Variants in PTPRO observed in about 807,000 individuals in gnomAD.
The protein encoded by PTPRO is protein tyrosine phosphatase receptor type O.
A neutral mutation model predicts 145.2 loss-of-function variants in PTPRO; 62 were observed. The ratio of observed to expected loss-of-function variants is 0.43; its 90% CI spans 0.35 to 0.53. The LOEUF (loss-of-function observed/expected upper bound fraction) is 0.53. Ranked by LOEUF, PTPRO falls within the 20% of genes least tolerant of loss-of-function variation. The pLI is 0.01. For synonymous variants in PTPRO, 565 were observed against 514.7 expected, an observed-to-expected ratio of 1.10 and a Z score of -1.32; for missense variants, 1,345 against 1,482.7, an observed-to-expected ratio of 0.91 and a Z score of 1.53.
At chr12:15,496,136 TTTTTTG>T in intron 2 of PTPRO, among the ~76,000 whole-genome samples, 1 of 98,484 alleles carries the variant, frequency 1.0e-5, no homozygotes, top group Non-Finnish European at 1.9e-5. Flanking sequence ...TTTCTTTTCT[TTTTTTG>T]TTTTTTTTTT....
At chr12:15,367,214 C>T (rs936262998) in intron 1 of PTPRO, among the ~76,000 whole-genome samples, 3 of 152,078 alleles carry the variant, frequency 2.0e-5, no homozygotes, top group African/African-American at 4.8e-5. Flanking sequence ...TATAGGCAAA[C>T]GTTTCTGAAG....
At chr12:15,367,215 G>T (rs1054699586) in intron 1 of PTPRO, among the ~76,000 whole-genome samples, 1 of 152,102 alleles carries the variant, frequency 6.6e-6, no homozygotes, top group African/African-American at 2.4e-5. Context: ...ATAGGCAAAC[G>T]TTTCTGAAGC....
intron 1 of PTPRO, among the ~76,000 whole-genome samples, chr12:15,419,176 T>C (rs1032219931): frequency 6.6e-6 from 1 of 151,072 alleles, no homozygotes; most frequent in African/African-American, 2.5e-5. Flanking sequence ...CATGCGCTTA[T>C]TGAAATAAGC....
At chr12:15,472,669 C>A (rs144713546) in intron 1 of PTPRO, among the ~76,000 whole-genome samples, 1 of 152,208 alleles carries the variant, frequency 6.6e-6, no homozygotes, top group Non-Finnish European at 1.5e-5. Flanking sequence ...CTGAACAGTT[C>A]TCTTGTATTG....
At chr12:15,388,564 G>C (rs1240430542) in intron 1 of PTPRO, among the ~76,000 whole-genome samples, 2 of 152,056 alleles carry the variant, frequency 1.3e-5, no homozygotes, top group Non-Finnish European at 2.9e-5. Context: ...ACCTTTAATT[G>C]GAAAAAGTTC....
At chr12:15,565,562 A>G (rs372771779) in intron 17 of PTPRO, 31 bp from the exon 18 acceptor site, 4 of 1,379,260 alleles carry the variant, frequency 2.9e-6, no homozygotes, top group African/African-American at 2.9e-5. Flanking sequence ...TTCTGCCCAG[A>G]TAAATTTGTC....
intron 12 of PTPRO, among the ~76,000 whole-genome samples, chr12:15,526,868 G>A (rs539587283): frequency 2.0e-5 from 3 of 152,002 alleles, no homozygotes; most frequent in Admixed American, 6.5e-5. Flanking sequence ...CTTCATATAA[G>A]AAGTATAAAA....
At chr12:15,402,807 C>G (rs1032292291) in intron 1 of PTPRO, among the ~76,000 whole-genome samples, 3 of 151,890 alleles carry the variant, frequency 2.0e-5, no homozygotes, top group African/African-American at 7.3e-5. Flanking sequence ...GGACTCAAAC[C>G]AAGTATCATA....
chr12:15,481,113 C>G (rs1230822633), intron 1 of PTPRO, among the ~76,000 whole-genome samples: 1 of 152,210 alleles, frequency 6.6e-6, no homozygotes, highest in East Asian at 1.9e-4. Flanking sequence ...AATACCTTTT[C>G]TGTTCTTTTT....
In PTPRO at chr12:15,594,882, ATAT is replaced by A. The variant is rs1944626333; in HGVS notation, c.3547-51_3547-49del. 1.0e-5 allele frequency: 13 copies of A among 1,249,078 alleles called. No homozygotes were observed. In the Admixed American group the frequency reaches 2.2e-4, roughly 22 times the overall value. The allele number at this position is 1,249,078 out of a possible 1,614,324, so 77.4% of individuals were successfully genotyped here. A position where few individuals can be genotyped will look rare whatever the true frequency, so the allele number is the denominator to read the frequency against. On this transcript the variant is annotated intron_variant, in intron 25 of 26. Transcript: ENST00000281171. ...ATCATTAAAATTGTCATAGTATAAA[ATAT>A]TATATCTTTGCACATGTCTGCTCTG...
Position 15,516,948 on chromosome 12 carries a change from G to A in PTPRO, c.1771G>A (p.Ala591Thr), listed in dbSNP as rs765493933. ...AATAGCAGCAACTGTTTCCTTAACT[G>A]CATCCGTGGTAATCTTCCCTTAACC... is the stretch of plus-strand genomic sequence containing the variant. ...YEIAATVSLT[A>T]SVRIANLLPA... The change falls in exon 9 of 27, where the codon GCA becomes ACA. Residue 591 changes from alanine (A) to threonine (T), a missense_variant. Transcript: ENST00000281171. 2.3e-5 allele frequency: 37 copies of A among 1,612,584 alleles called. No individual in the cohort carries two copies. Among genetic ancestry groups the A allele is most frequent in the Non-Finnish European group, 3.1e-5 (36 of 1,178,726 alleles).
At chr12:15,458,268 T>C (rs1404584310) in intron 1 of PTPRO, among the ~76,000 whole-genome samples, 1 of 152,196 alleles carries the variant, frequency 6.6e-6, no homozygotes, top group Non-Finnish European at 1.5e-5. Flanking sequence ...CATTTTTTTC[T>C]TGTTGCTTTC....
intron 2 of PTPRO, among the ~76,000 whole-genome samples, chr12:15,496,898 T>C (rs187631279): frequency 3.7e-4 from 57 of 152,342 alleles, no homozygotes; most frequent in African/African-American, 1.3e-3. Flanking sequence ...CAGACTGTCA[T>C]GTACTTGTTA....
At chr12:15,551,747 A>C (rs1943467041) in intron 15 of PTPRO, 76 bp downstream of exon 15, 3 of 1,511,104 alleles carry the variant, frequency 2.0e-6, no homozygotes, top group Non-Finnish European at 2.7e-6. Flanking sequence ...TTGTTTTTGC[A>C]CACCTAAGTT....
intron 1 of PTPRO, among the ~76,000 whole-genome samples, chr12:15,390,317 A>G (rs1178254023): frequency 1.3e-5 from 2 of 152,180 alleles, no homozygotes; most frequent in Non-Finnish European, 2.9e-5. Context: ...TGGATAATTT[A>G]TAAGGAAAAA....
At chr12:15,581,560 T>C in intron 22 of PTPRO, 119 bp from the exon 23 acceptor site, 7 of 1,238,958 alleles carry the variant, frequency 5.6e-6, no homozygotes, top group Non-Finnish European at 8.1e-6. Flanking sequence ...TTATGTTTCA[T>C]CTTCACCACG....
At chr12:15,507,438 TAAATAAATA>T (rs1309332029) in intron 6 of PTPRO, among the ~76,000 whole-genome samples, 5 of 104,228 alleles carry the variant, frequency 4.8e-5, no homozygotes, top group Non-Finnish European at 1.1e-4. Context: ...AATAAATAAA[TAAATAAATA>T]AATAAGGAAT....
At chr12:15,389,364 C>T (rs1939125343) in intron 1 of PTPRO, among the ~76,000 whole-genome samples, 1 of 152,072 alleles carries the variant, frequency 6.6e-6, no homozygotes, top group African/African-American at 2.4e-5. Flanking sequence ...GTCTCAGGCT[C>T]CCAAAATGCT....
intron 1 of PTPRO, among the ~76,000 whole-genome samples, chr12:15,445,377 C>T (rs1940875399): frequency 6.6e-6 from 1 of 152,026 alleles, no homozygotes; most frequent in African/African-American, 2.4e-5. Context: ...GTTACTGAGT[C>T]CCTAAGTGCT....
Sources: gnomAD v4.1 joint callset for allele counts (sites outside exome capture counted in the v4.1 genomes callset) on GRCh38, gnomAD v4.1.1 for gene constraint, MANE v1.5 for transcripts, NCBI Gene and HGNC (gene_info 2026-07-23, HGNC 2026-07-21) for gene names.